The following THAP3 variants were observed in gnomAD, a reference collection of about 807,000 sequenced individuals.
The protein encoded by THAP3 is THAP domain containing 3.
In THAP3, 12 loss-of-function variants were observed where a neutral mutation model predicts 17.7. That is an observed-to-expected ratio of 0.68 (90% CI 0.43 to 1.10). The LOEUF (loss-of-function observed/expected upper bound fraction) is 1.10, where lower values mean the gene tolerates loss of function less well. THAP3 is among the 50% of genes least tolerant of loss of function. The pLI is 0.00. For missense variants in THAP3, 289 were observed against 318.0 expected (o/e 0.91, Z 0.69); for synonymous variants, 133 against 126.9 (o/e 1.05, Z -0.32).
chr1:6,633,042 C>T lies in THAP3; in HGVS notation c.685C>T (p.Leu229Phe), dbSNP rs56014220. The part of the protein sequence containing the change: ...RLRACKGHQG[L>F]QARLGPEQQS ...CCGTGCTTGCAAAGGGCACCAGGGA[C>T]TCCAGGCCAGACTTGGGCCAGAGCA... Residue 229 changes from leucine to phenylalanine, a missense_variant, in exon 6 of 6, where the codon CTC becomes TTC. By Grantham distance (22) the Leu-to-Phe change is conservative. Transcript: ENST00000054650. 38,184 of 1,608,334 alleles carry T rather than the reference C, an allele frequency of 0.024. 539 individuals are homozygous for T. The highest frequency in any genetic ancestry group is 0.028 in the Non-Finnish European group (33,509 of 1,178,008).
chr1:6,633,003 A>G lies in THAP3; in HGVS notation c.646A>G (p.Met216Val). ...GGCCCAGAGGCTGGTGATGCGAAGG[A>G]TGTCCAGCCGCCTCCGTGCTTGCAA... ...LQAQRLVMRR[M>V]SSRLRACKGH... Residue 216 changes from methionine to valine, a missense_variant, in exon 6 of 6, where the codon ATG (methionine) becomes GTG (valine). Met to Val is a conservative substitution (Grantham distance 21). Coordinates refer to ENST00000054650, the MANE Select transcript of THAP3 (RefSeq NM_001195753.2). 6.2e-7 allele frequency: 1 copy of G among 1,612,740 alleles called. No individual in the cohort carries two copies. The highest frequency in any genetic ancestry group is 8.5e-7 in the Non-Finnish European group (1 of 1,179,828).
intron 4 of THAP3, 50 bp from the exon 5 acceptor site, chr1:6,632,341 G>A (rs761681695): frequency 6.2e-7 from 1 of 1,601,892 alleles, no homozygotes; most frequent in Non-Finnish European, 8.5e-7. Flanking sequence ...GCTGCAGGAG[G>A]GCCCTGCATG....
chr1:6,625,606 CCG>C (rs70981393), intron 2 of THAP3, among the ~76,000 whole-genome samples: 49,446 of 151,874 alleles, frequency 0.33, 8,222 homozygotes, highest in Middle Eastern at 0.39. Flanking sequence ...GCAGCCCCCG[CCG>C]CGCGCGGTCC....
downstream of THAP3, chr1:6,635,525 A>C: frequency 2.3e-6 from 2 of 852,944 alleles, no homozygotes; most frequent in Non-Finnish European, 3.6e-6. Context: ...GGGTGTCTGC[A>C]TGTCCCTTCA....
At chr1:6,634,867 C>T (rs2294532), downstream of THAP3, 398,607 of 1,218,444 alleles carry the variant, frequency 0.33, 65,573 homozygotes, top group Middle Eastern at 0.35. Context: ...CTGGTCCTGT[C>T]CTCTTGAGCT....
downstream of THAP3, chr1:6,634,570 G>C (rs766242435): frequency 7.3e-7 from 1 of 1,365,778 alleles, no homozygotes; most frequent in South Asian, 1.1e-5. Context: ...GTCAGCAAGA[G>C]CAACTGATGG....
chr1:6,634,855 G>T (rs565761345), downstream of THAP3: 1 of 1,230,144 alleles, frequency 8.1e-7, no homozygotes, highest in Non-Finnish European at 1.1e-6. Context: ...CTTGCCAAGC[G>T]CCTGGTCCTG....
chr1:6,634,138 G>C (rs1641706123), downstream of THAP3: 1 of 1,526,190 alleles, frequency 6.6e-7, no homozygotes. Flanking sequence ...TCCTGAAGAT[G>C]AACACACAAT....
At chr1:6,625,968 T>C (rs1403279700) in intron 2 of THAP3, among the ~76,000 whole-genome samples, 1 of 152,190 alleles carries the variant, frequency 6.6e-6, no homozygotes, top group African/African-American at 2.4e-5. Flanking sequence ...GCACGAATCA[T>C]AAGTATACAG....
rs745728858 is a variant in THAP3 at position 6,632,801 on chromosome 1, G to A, written c.444G>A (p.Ser148=). The A allele has an allele frequency of 1.1e-5, 17 of 1,612,906 alleles. No individual in the cohort carries two copies. Among genetic ancestry groups the A allele is most frequent in the African/African-American group, 2.7e-5 (2 of 75,064 alleles). ...TCTCACTCCCCTGTCCTCAGGTCTC[G>A]CCACGGAGGCCGCAAGCAACAGAGG... is the stretch of plus-strand genomic sequence containing the variant. ...PNAEGHVKQV[S]PRRPQATEAV... Residue 148 remains serine, a synonymous_variant, in exon 6 of 6, where the codon TCG becomes TCA. Transcript: ENST00000054650.
chr1:6,634,005 C>CTAT (rs1553125866), downstream of THAP3: 6 of 1,611,216 alleles, frequency 3.7e-6, no homozygotes, highest in South Asian at 1.1e-5. Flanking sequence ...AACTTGGGGT[C>CTAT]TATTTATTTC....
Position 6,632,782 on chromosome 1 carries a change from T to C in THAP3, c.439-14T>C. 1 of 1,612,392 alleles carries C rather than the reference T, an allele frequency of 6.2e-7. No individual in the cohort carries two copies. Among genetic ancestry groups the C allele is most frequent in the South Asian group, 1.1e-5 (1 of 91,054 alleles). On this transcript the variant is annotated splice_polypyrimidine_tract_variant and intron_variant, in intron 5 of 5. Coordinates refer to ENST00000054650, the MANE Select transcript of THAP3 (RefSeq NM_001195753.2). ...TGGTGATGCAGCTCTAGGCTCTCAC[T>C]CCCCTGTCCTCAGGTCTCGCCACGG...
intron 2 of THAP3, among the ~76,000 whole-genome samples, chr1:6,625,968 T>G (rs1403279700): frequency 1.3e-5 from 2 of 152,190 alleles, no homozygotes; most frequent in Admixed American, 1.3e-4. Flanking sequence ...GCACGAATCA[T>G]AAGTATACAG....
At chr1:6,630,946 C>T (rs1055992199) in intron 4 of THAP3, among the ~76,000 whole-genome samples, 2 of 151,684 alleles carry the variant, frequency 1.3e-5, no homozygotes, top group African/African-American at 4.8e-5. Flanking sequence ...CGGGCTCAAG[C>T]CATCCTCCCA....
rs756696711 is a variant in THAP3 at position 6,632,787 on chromosome 1, T to A, written c.439-9T>A. The A allele has an allele frequency of 1.2e-6, 2 of 1,612,084 alleles. No homozygotes were observed. Among genetic ancestry groups the A allele is most frequent in the South Asian group, 1.1e-5 (1 of 91,032 alleles). On this transcript the variant is annotated splice_polypyrimidine_tract_variant and intron_variant, in intron 5 of 5. Coordinates refer to ENST00000054650, the MANE Select transcript of THAP3 (RefSeq NM_001195753.2). ...ATGCAGCTCTAGGCTCTCACTCCCC[T>A]GTCCTCAGGTCTCGCCACGGAGGCC...
chr1:6,628,837 A>G (rs1179905287), intron 3 of THAP3, 146 bp downstream of exon 3: 2 of 785,400 alleles, frequency 2.5e-6, no homozygotes, highest in Non-Finnish European at 4.0e-6. Flanking sequence ...TCTGGGGTCC[A>G]CAGCCCTGTG....
Position 6,632,509 on chromosome 1 carries a change from C to T in THAP3, c.438+14C>T, listed in dbSNP as rs1262782412. 7 of 1,613,816 alleles carry T rather than the reference C, an allele frequency of 4.3e-6. No individual in the cohort carries two copies. Among genetic ancestry groups the T allele is most frequent in the Non-Finnish European group, 5.9e-6 (7 of 1,179,968 alleles). On this transcript the variant is annotated intron_variant, in intron 5 of 5. Coordinates refer to ENST00000054650, the MANE Select transcript of THAP3 (RefSeq NM_001195753.2). ...CACGTAAAACAGGTAAGACTGAGTG[C>T]AAAGGTGGTCTGTGGTTGGACACAA...
At chr1:6,634,920 G>A (rs1043683), downstream of THAP3, 796,716 of 1,164,078 alleles carry the variant, frequency 0.68, 273,485 homozygotes, top group Middle Eastern at 0.79. Context: ...TGGTGCAGGC[G>A]GTGGAGGGAC....
intron 2 of THAP3, among the ~76,000 whole-genome samples, chr1:6,626,271 G>A (rs1445798880): frequency 1.3e-5 from 2 of 152,080 alleles, no homozygotes. Context: ...TCTTGCCACT[G>A]CACTCCAGCC....
Sources: gnomAD v4.1 joint callset for allele counts (sites outside exome capture counted in the v4.1 genomes callset) on GRCh38, gnomAD v4.1.1 for gene constraint, MANE v1.5 for transcripts, NCBI Gene and HGNC (gene_info 2026-07-23, HGNC 2026-07-21) for gene names.